The following SH2D4A variants were observed in gnomAD, a reference collection of about 807,000 sequenced individuals.
SH2D4A encodes the protein SH2 domain-containing protein 4A.
Under a neutral mutation model 64.7 loss-of-function variants are expected in SH2D4A, and 70 were observed. That is an observed-to-expected ratio of 1.08 (90% CI 0.89 to 1.32). SH2D4A has a LOEUF of 1.32. Ranked by LOEUF, SH2D4A falls within the 40% of genes most tolerant of loss-of-function variation. The probability of loss-of-function intolerance (pLI) is 0.00; values close to 1 mark genes in which losing one functional copy is unlikely to be tolerated. For synonymous variants in SH2D4A, 268 were observed against 200.7 expected (o/e 1.34, Z -2.83); for missense variants, 706 against 540.1 (o/e 1.31, Z -3.04).
chr8:19,350,994 A>G (rs1191320325), intron 4 of SH2D4A, among the ~76,000 whole-genome samples: 1 of 152,196 alleles, frequency 6.6e-6, no homozygotes, highest in Non-Finnish European at 1.5e-5. Flanking sequence ...TTTTAGCAAT[A>G]AAATTTACTG....
intron 2 of SH2D4A, among the ~76,000 whole-genome samples, chr8:19,320,944 A>T (rs1331370409): frequency 6.6e-6 from 1 of 152,236 alleles, no homozygotes; most frequent in East Asian, 1.9e-4. Flanking sequence ...CAGGTTCACA[A>T]AGGAGGTCAG....
At chr8:19,361,096 C>T (rs2052876822) in intron 5 of SH2D4A, 107 bp from the exon 6 acceptor site, 1 of 483,210 alleles carries the variant, frequency 2.1e-6, no homozygotes, top group Non-Finnish European at 3.4e-6. Context: ...AGATAGAAGT[C>T]AGCTGTGCCG....
rs10692584 is a variant in SH2D4A, at chr8:19,373,444, GTATA to G, written c.918-68_918-65del. On this transcript the variant is annotated intron_variant, in intron 7 of 9. Coordinates refer to ENST00000265807, the MANE Select transcript of SH2D4A (RefSeq NM_022071.4). Reference sequence around the variant, plus strand: ...TATGCATGTATATGTATGTGTGTGTGTATATATATATATATATATATGACTTTTG... The same window carrying G: ...TATGCATGTATATGTATGTGTGTGTGTATATATATATATATATGACTTTTG... The G allele has an allele frequency of 8.5e-3, 5,065 of 594,700 alleles. 1 individual carries two copies. Among genetic ancestry groups the G allele is most frequent in the South Asian group, 9.2e-3 (217 of 23,622 alleles). The allele number at this position is 594,700 out of a possible 1,614,324, so 36.8% of individuals were successfully genotyped here. A position where few individuals can be genotyped will look rare whatever the true frequency, so the allele number is the denominator to read the frequency against.
rs867430498 is a variant in SH2D4A, at chr8:19,361,308, G to C, written c.700G>C (p.Ala234Pro). Residue 234 changes from alanine to proline, a missense_variant, in exon 6 of 10, where the codon GCA (alanine) becomes CCA (proline). Physicochemically the swap from Ala to Pro is conservative, Grantham distance 27 (BLOSUM62 -1). Transcript: ENST00000265807. ...KSWKEDSEWQASLRKSKAADE... is the reference protein window; with the variant it reads ...KSWKEDSEWQPSLRKSKAADE... ...CTGGAAAGAAGACTCGGAATGGCAGGCATCTCGTGAGTACCCAGAGGTCTC... is the reference window on the plus strand; with the variant it reads ...CTGGAAAGAAGACTCGGAATGGCAGCCATCTCGTGAGTACCCAGAGGTCTC... 1 of 1,609,854 alleles carries C rather than the reference G, an allele frequency of 6.2e-7. No homozygotes were observed. Among genetic ancestry groups the C allele is most frequent in the Non-Finnish European group, 8.5e-7 (1 of 1,178,744 alleles).
intron 2 of SH2D4A, among the ~76,000 whole-genome samples, chr8:19,320,148 T>C (rs547964676): frequency 1.3e-5 from 2 of 152,310 alleles, no homozygotes; most frequent in South Asian, 4.1e-4. Flanking sequence ...TTCTTTGAGG[T>C]ATCTTTTTAG....
intron 8 of SH2D4A, among the ~76,000 whole-genome samples, chr8:19,388,655 T>C (rs752229731): frequency 6.6e-6 from 1 of 152,202 alleles, no homozygotes; most frequent in Non-Finnish European, 1.5e-5. Flanking sequence ...TGTACCCAAA[T>C]AATATTAGAC....
chr8:19,314,038 G>A, intron 1 of SH2D4A: 1 of 1,201,766 alleles, frequency 8.3e-7, no homozygotes, highest in Non-Finnish European at 1.0e-6. Flanking sequence ...CGGGTGTCCG[G>A]TGTCCGGTGT....
In SH2D4A at chr8:19,313,801, C is replaced by A. The variant is rs1486482468; in HGVS notation, c.-227C>A. ...GGATGTGGCGGGTGATCGAGCCACC[C>A]TGCCCAGGGGCGCCCAGCACTGGTA... On this transcript the variant is annotated 5_prime_UTR_variant, in exon 1 of 10. In the 5' UTR this introduces an upstream ATG that the reference lacks. Transcript: ENST00000265807. 2 of 1,511,164 alleles carry A rather than the reference C, an allele frequency of 1.3e-6. No individual in the cohort carries two copies. Among genetic ancestry groups the A allele is most frequent in the Middle Eastern group, 1.7e-4 (1 of 5,876 alleles). The allele number at this position is 1,511,164 out of a possible 1,614,324, so 93.6% of individuals were successfully genotyped here.
In SH2D4A at chr8:19,393,386, C is replaced by CGAGTCAGT; in HGVS notation, c.1120_1127dup (p.Arg377SerfsTer119). The CGAGTCAGT allele has an allele frequency of 1.9e-6, 3 of 1,614,164 alleles. No individual in the cohort carries two copies. Among genetic ancestry groups the CGAGTCAGT allele is most frequent in the Non-Finnish European group, 2.5e-6 (3 of 1,180,014 alleles). On this transcript the variant is annotated frameshift_variant, in exon 9 of 10. Transcript: ENST00000265807. LOFTEE classifies it high-confidence loss of function. ...AGGCATGCCCGGCAGTTTTCTCATC[C>CGAGTCAGT]GAGTCAGTGAAAGGATCAAAGGCTA...
chr8:19,344,899 T>A (rs1294389062), intron 4 of SH2D4A, among the ~76,000 whole-genome samples: 1 of 152,216 alleles, frequency 6.6e-6, no homozygotes, highest in Non-Finnish European at 1.5e-5. Context: ...AATAGCCTCG[T>A]TAGTTCAAGT....
chr8:19,357,194 A>T lies in SH2D4A; in HGVS notation c.514-9A>T. Reference sequence around the variant, plus strand: ...CAAATGCCATAAATGTGTTTCGTTTAATTTTTAGTCACTCTCCAGTTCTTC... The same window carrying T: ...CAAATGCCATAAATGTGTTTCGTTTTATTTTTAGTCACTCTCCAGTTCTTC... On this transcript the variant is annotated splice_polypyrimidine_tract_variant and intron_variant, in intron 4 of 9. Transcript: ENST00000265807. 1 of 1,607,834 alleles carries T rather than the reference A, an allele frequency of 6.2e-7. No homozygotes were observed. The highest frequency in any genetic ancestry group is 2.2e-5 in the East Asian group (1 of 44,858).
At chr8:19,323,435 C>A (rs1585144864) in intron 2 of SH2D4A, among the ~76,000 whole-genome samples, 2 of 147,874 alleles carry the variant, frequency 1.4e-5, no homozygotes, top group East Asian at 2.0e-4. Flanking sequence ...GGTTGGAGTA[C>A]AGAGGCATGA....
At chr8:19,356,582 C>G (rs1194537801) in intron 4 of SH2D4A, among the ~76,000 whole-genome samples, 3 of 152,206 alleles carry the variant, frequency 2.0e-5, no homozygotes, top group African/African-American at 7.2e-5. Flanking sequence ...GAGGGTTGGC[C>G]TGCGGCAGGC....
intron 8 of SH2D4A, among the ~76,000 whole-genome samples, chr8:19,392,887 G>A (rs555900717): frequency 6.6e-6 from 1 of 151,984 alleles, no homozygotes; most frequent in Non-Finnish European, 1.5e-5. Context: ...GACTACAGGT[G>A]CTCGCCAAAA....
At chr8:19,362,542 C>G (rs560581508) in intron 6 of SH2D4A, among the ~76,000 whole-genome samples, 3 of 152,274 alleles carry the variant, frequency 2.0e-5, no homozygotes, top group African/African-American at 7.2e-5. Flanking sequence ...GAGTTCAAGA[C>G]CAGCCTGGCC....
intron 2 of SH2D4A, among the ~76,000 whole-genome samples, chr8:19,331,437 G>C (rs1460264402): frequency 6.6e-6 from 1 of 152,186 alleles, no homozygotes; most frequent in Non-Finnish European, 1.5e-5. Context: ...GGGTAGGCCT[G>C]ACAGACTCAG....
At chr8:19,376,347 C>G (rs2053195160) in intron 8 of SH2D4A, among the ~76,000 whole-genome samples, 1 of 152,114 alleles carries the variant, frequency 6.6e-6, no homozygotes, top group South Asian at 2.1e-4. Context: ...CAAGACCAGG[C>G]ACAGTGGCTC....
chr8:19,382,333 A>C (rs1192018151), intron 8 of SH2D4A, among the ~76,000 whole-genome samples: 1 of 152,150 alleles, frequency 6.6e-6, no homozygotes, highest in Non-Finnish European at 1.5e-5. Flanking sequence ...AGTATTTTGA[A>C]TATGCAGATA....
At position 19,332,386 on chromosome 8, in the gene SH2D4A, A is replaced by G. The variant is rs147077402; in HGVS notation, c.182-569A>G. On this transcript the variant is annotated intron_variant, in intron 2 of 9. Transcript: ENST00000265807. ...CGCAGTGACTCACACCTGTAATCCC[A>G]GCACTTTGGCAGGCTGAGGTGGGTG... 6.3e-3 allele frequency among the ~76,000 whole-genome samples: 959 copies of G among 152,312 alleles called. 13 individuals are homozygous for G. The highest frequency in any genetic ancestry group is 0.022 in the African/African-American group (907 of 41,568).
Sources: allele counts gnomAD v4.1 joint callset (sites outside exome capture counted in the v4.1 genomes callset), GRCh38; gene constraint gnomAD v4.1.1; transcripts MANE v1.5; gene names NCBI Gene and HGNC (gene_info 2026-07-23, HGNC 2026-07-21).